Variants in CIAPIN1 observed in about 807,000 individuals in gnomAD.
CIAPIN1 encodes anamorsin.
A neutral mutation model predicts 34.3 loss-of-function variants in CIAPIN1; 18 were observed. The observed-to-expected ratio is 0.52, with a 90% CI of 0.36 to 0.78. CIAPIN1 has a LOEUF of 0.78. Ranked by LOEUF, CIAPIN1 falls within the 30% of genes least tolerant of loss-of-function variation. The probability of loss-of-function intolerance (pLI) is 0.00; values close to 1 mark genes in which losing one functional copy is unlikely to be tolerated. For missense variants in CIAPIN1, 310 were observed against 372.5 expected, an observed-to-expected ratio of 0.83 and a Z score of 1.38; for synonymous variants, 131 against 140.4, an observed-to-expected ratio of 0.93 and a Z score of 0.47.
chr16:57,437,422 A>T (rs927899825), intron 3 of CIAPIN1, among the ~76,000 whole-genome samples: 2 of 152,132 alleles, frequency 1.3e-5, no homozygotes, highest in African/African-American at 4.8e-5. Context: ...GGTTAGATGA[A>T]TTACATGCAT....
rs771140310 is a variant in CIAPIN1 at position 57,429,259 on chromosome 16, G to T, written c.850C>A (p.Arg284Ser). The change falls in exon 9 of 9, where the codon CGC (arginine) becomes AGC (serine). Residue 284 changes from arginine to serine, a missense_variant. Arg to Ser is a moderately radical substitution (Grantham distance 110, BLOSUM62 -1). Transcript: ENST00000394391. ...CCAAGGTAGGGGCAGCTGGCACAGCGGAAGGCATCGCCCAGGTAGCACTGG... is the reference window on the plus strand; with the variant it reads ...CCAAGGTAGGGGCAGCTGGCACAGCTGAAGGCATCGCCCAGGTAGCACTGG... ...CGNCYLGDAF[R>S]CASCPYLGMP... The T allele has an allele frequency of 6.2e-7, 1 of 1,613,986 alleles. No individual in the cohort carries two copies. Among genetic ancestry groups the T allele is most frequent in the Non-Finnish European group, 8.5e-7 (1 of 1,179,900 alleles).
intron 5 of CIAPIN1, 120 bp downstream of exon 5, chr16:57,433,924 T>G: frequency 1.1e-6 from 1 of 911,212 alleles, no homozygotes; most frequent in Non-Finnish European, 1.8e-6. Context: ...TTTGTGGAAA[T>G]GGCAGAAATC....
At chr16:57,438,025 T>C (rs1903243080) in intron 3 of CIAPIN1, among the ~76,000 whole-genome samples, 2 of 152,328 alleles carry the variant, frequency 1.3e-5, no homozygotes, top group Middle Eastern at 3.4e-3. Flanking sequence ...GTATTCCTTC[T>C]GAATAGTTCC....
chr16:57,438,575 C>T (rs771656740), intron 3 of CIAPIN1, among the ~76,000 whole-genome samples: 3 of 152,094 alleles, frequency 2.0e-5, no homozygotes, highest in Admixed American at 6.6e-5. Context: ...TATATGTACT[C>T]GTTTGGCAGA....
intron 4 of CIAPIN1, among the ~76,000 whole-genome samples, chr16:57,434,856 G>C (rs1351680847): frequency 6.6e-6 from 1 of 152,214 alleles, no homozygotes; most frequent in East Asian, 1.9e-4. Context: ...AAAAAAGTAT[G>C]TGCATGTAGA....
At chr16:57,434,246 C>T in intron 4 of CIAPIN1, 34 bp from the exon 5 acceptor site, 7 of 1,608,972 alleles carry the variant, frequency 4.4e-6, no homozygotes, top group Non-Finnish European at 6.0e-6. Flanking sequence ...ATTAGTTCAC[C>T]CTCCTCTGTA....
rs170358 is a variant in CIAPIN1, at chr16:57,430,324, G to A, written c.762C>T (p.Ala254=). The change falls in exon 8 of 9, where the codon GCC becomes GCT. Residue 254 remains alanine (A), a synonymous_variant. Coordinates refer to ENST00000394391, the MANE Select transcript of CIAPIN1 (RefSeq NM_020313.4). ...TTGACTTCTCTTTTTCCAGTTCTTC[G>A]GCAAGGCCACAGGTGCTGCGGGAAA... The part of the protein sequence containing the change: ...KACKNCTCGL[A]EELEKEKSRE... The A allele has an allele frequency of 0.03, 47,786 of 1,613,792 alleles. 811 individuals are homozygous for A. Among genetic ancestry groups the A allele is most frequent in the Middle Eastern group, 0.051 (308 of 6,060 alleles).
At chr16:57,445,438 G>A (rs1345130747) in intron 1 of CIAPIN1, among the ~76,000 whole-genome samples, 3 of 152,184 alleles carry the variant, frequency 2.0e-5, no homozygotes, top group Admixed American at 2.0e-4. Flanking sequence ...AACTCAGGAG[G>A]CGGACGTTGT....
Position 57,429,113 on chromosome 16 carries a change from G to T in CIAPIN1, c.*57C>A. 8.4e-7 allele frequency: 1 copy of T among 1,186,914 alleles called. No homozygotes were observed. The highest frequency in any genetic ancestry group is 1.3e-6 in the Non-Finnish European group (1 of 794,076). 73.5% of individuals were successfully genotyped at this position (1,186,914 alleles called of 1,614,324 possible). ...GGAGGTGGGAGGAGCCACCATGGTG[G>T]GATGTGAGGGACAGGAGTTGGCTGG... On this transcript the variant is annotated 3_prime_UTR_variant, in exon 9 of 9. Coordinates refer to ENST00000394391, the MANE Select transcript of CIAPIN1 (RefSeq NM_020313.4).
intron 4 of CIAPIN1, among the ~76,000 whole-genome samples, chr16:57,435,562 G>A (rs767030401): frequency 6.6e-6 from 1 of 152,350 alleles, no homozygotes; most frequent in South Asian, 2.1e-4. Flanking sequence ...GAAGGCCAAG[G>A]TGGGTAGATC....
chr16:57,445,604 AGTG>A (rs1171670215), intron 1 of CIAPIN1, among the ~76,000 whole-genome samples: 1 of 152,208 alleles, frequency 6.6e-6, no homozygotes, highest in Admixed American at 6.5e-5. Context: ...ACCAGTACCA[AGTG>A]GGCCTAACCA....
chr16:57,446,438 G>T (rs540713692), intron 1 of CIAPIN1, among the ~76,000 whole-genome samples: 2 of 152,302 alleles, frequency 1.3e-5, no homozygotes, highest in African/African-American at 4.8e-5. Context: ...ATTTGACAAG[G>T]GGTGTGCAAA....
intron 3 of CIAPIN1, among the ~76,000 whole-genome samples, chr16:57,436,963 A>G (rs2146564271): frequency 6.6e-6 from 1 of 152,142 alleles, no homozygotes. Flanking sequence ...TCTACTAAAA[A>G]TACACACAAA....
At chr16:57,429,749 C>A (rs1256464741) in intron 8 of CIAPIN1, among the ~76,000 whole-genome samples, 1 of 150,362 alleles carries the variant, frequency 6.7e-6, no homozygotes, top group Non-Finnish European at 1.5e-5. Flanking sequence ...TCCTTGGCCT[C>A]CCAAAGTGCT....
At position 57,429,295 on chromosome 16, in the gene CIAPIN1, T is replaced by C. The variant is rs758133148; in HGVS notation, c.829-15A>G. 15 of 1,577,082 alleles carry C rather than the reference T, an allele frequency of 9.5e-6. No homozygotes were observed. The highest frequency in any genetic ancestry group is 8.1e-5 in the African/African-American group (6 of 74,190). Reference sequence around the variant, plus strand: ...CCCAGGTAGCACTGGAGAGAGAGAATGGGGAAGCCAAGGGTCAGCTTATCC... The same window carrying C: ...CCCAGGTAGCACTGGAGAGAGAGAACGGGGAAGCCAAGGGTCAGCTTATCC... On this transcript the variant is annotated splice_polypyrimidine_tract_variant and intron_variant, in intron 8 of 8. Transcript: ENST00000394391.
At chr16:57,432,400 C>T (rs759614647) in intron 6 of CIAPIN1, 87 bp downstream of exon 6, 13 of 1,104,800 alleles carry the variant, frequency 1.2e-5, no homozygotes, top group Non-Finnish European at 1.5e-5. Context: ...ACGTTCACAC[C>T]TACAAGTCCA....
Position 57,440,807 on chromosome 16 carries a change from C to A in CIAPIN1, c.122G>T (p.Arg41Leu). 6.2e-7 allele frequency: 1 copy of A among 1,613,742 alleles called. No homozygotes were observed. Among genetic ancestry groups the A allele is most frequent in the Non-Finnish European group, 8.5e-7 (1 of 1,179,780 alleles). ...CTGCTTGATGTTTTCCACAGACACG[C>A]GGCCCTCATTGCCGGTTAACGCTTG... ...KLQALTGNEG[R>L]VSVENIKQLL... The change falls in exon 2 of 9, where the codon CGC (arginine) becomes CTC (leucine). Residue 41 changes from arginine (R) to leucine (L), a missense_variant. Transcript: ENST00000394391.
intron 3 of CIAPIN1, among the ~76,000 whole-genome samples, chr16:57,437,447 T>C (rs1903229209): frequency 6.6e-6 from 1 of 152,038 alleles, no homozygotes; most frequent in Admixed American, 6.6e-5. Flanking sequence ...ATCTTAATAG[T>C]ATTTATCAGG....
chr16:57,429,223 A>AGGCTGGCATCCCAAGGTAGGGGC lies in CIAPIN1; in HGVS notation c.863_885dup (p.Phe296AlafsTer17). 6.2e-7 allele frequency: 1 copy of AGGCTGGCATCCCAAGGTAGGGGC among 1,613,866 alleles called. No homozygotes were observed. The highest frequency in any genetic ancestry group is 1.1e-5 in the South Asian group (1 of 91,062). On this transcript the variant is annotated frameshift_variant, in exon 9 of 9. Coordinates refer to ENST00000394391, the MANE Select transcript of CIAPIN1 (RefSeq NM_020313.4). LOFTEE classifies it high-confidence loss of function. ...AGAAGCACCTTTTCCCCAGGTTTGA[A>AGGCTGGCATCCCAAGGTAGGGGC]GGCTGGCATCCCAAGGTAGGGGCAG...
Sources: allele counts gnomAD v4.1 joint callset (sites outside exome capture counted in the v4.1 genomes callset), GRCh38; gene constraint gnomAD v4.1.1; transcripts MANE v1.5; gene names NCBI Gene and HGNC (gene_info 2026-07-23, HGNC 2026-07-21).